The following ATE1 variants were observed in gnomAD, a reference collection of about 807,000 sequenced individuals.
ATE1 encodes the protein arginyl-tRNA--protein transferase 1.
A neutral mutation model predicts 70.5 loss-of-function variants in ATE1; 36 were observed. The observed-to-expected ratio is 0.51, with a 90% CI of 0.39 to 0.67. The LOEUF (loss-of-function observed/expected upper bound fraction) is 0.67. ATE1 is among the 30% of genes least tolerant of loss of function. The pLI, the probability that ATE1 is intolerant of heterozygous loss-of-function variation, is 0.00. For missense variants in ATE1, 593 were observed against 629.5 expected (o/e 0.94, Z 0.62); for synonymous variants, 232 against 219.3 (o/e 1.06, Z -0.51).
intron 11 of ATE1, among the ~76,000 whole-genome samples, chr10:121,768,487 A>G (rs1201995296): frequency 1.3e-5 from 2 of 152,106 alleles, no homozygotes; most frequent in Admixed American, 6.5e-5. Flanking sequence ...GGAGGGGGGA[A>G]TCACTCAGGG....
At chr10:121,797,569 A>C (rs1590327890) in intron 10 of ATE1, among the ~76,000 whole-genome samples, 1 of 134,030 alleles carries the variant, frequency 7.5e-6, no homozygotes, top group African/African-American at 2.8e-5. Flanking sequence ...CACATACCAC[A>C]CTTCCTATTT....
chr10:121,902,247 C>T, intron 6 of ATE1, 144 bp downstream of exon 6: 1 of 769,642 alleles, frequency 1.3e-6, no homozygotes, highest in South Asian at 2.2e-5. Context: ...AATGTTACTT[C>T]TTCCCAGTTC....
chr10:121,928,362 C>T (rs529265922), upstream of ATE1: 19 of 1,533,736 alleles, frequency 1.2e-5, no homozygotes, highest in African/African-American at 2.4e-4. Flanking sequence ...GACGCTTTGC[C>T]CTCCTTGGAA....
chr10:121,928,258 G>C (rs2134691096), upstream of ATE1: 1 of 1,419,554 alleles, frequency 7.0e-7, no homozygotes, highest in African/African-American at 1.5e-5. Context: ...AAGGGAAGCG[G>C]GAGTCGGGGT....
intron 7 of ATE1, among the ~76,000 whole-genome samples, chr10:121,899,642 C>T (rs1950903740): frequency 6.6e-6 from 1 of 152,124 alleles, no homozygotes; most frequent in African/African-American, 2.4e-5. Flanking sequence ...AATAATTTTA[C>T]ATGTTACTTT....
intron 3 of ATE1, among the ~76,000 whole-genome samples, chr10:121,918,170 T>C (rs1951733719): frequency 6.6e-6 from 1 of 152,028 alleles, no homozygotes; most frequent in Admixed American, 6.6e-5. Flanking sequence ...CCGTCTCTAC[T>C]AAAAATACAA....
At chr10:121,904,378 A>T (rs910555406) in intron 5 of ATE1, among the ~76,000 whole-genome samples, 29 of 151,690 alleles carry the variant, frequency 1.9e-4, no homozygotes, top group African/African-American at 7.0e-4. Context: ...GCAGTGGCTC[A>T]TGCCTGTAAT....
At position 121,789,157 on chromosome 10, in the gene ATE1, G is replaced by C. The variant is rs558001736; in HGVS notation, c.1378+1012C>G. 2.6e-5 allele frequency among the ~76,000 whole-genome samples: 4 copies of C among 152,234 alleles called. No homozygotes were observed. In the South Asian group the frequency reaches 8.3e-4, roughly 32 times the overall value. On this transcript the variant is annotated intron_variant, in intron 11 of 11. Transcript: ENST00000224652. ...CTCATTTTAATCCTCATTACAGCTAGTAGGTCCTATTATTACCTCCATTTT... is the reference window on the plus strand; with the variant it reads ...CTCATTTTAATCCTCATTACAGCTACTAGGTCCTATTATTACCTCCATTTT...
intron 8 of ATE1, among the ~76,000 whole-genome samples, chr10:121,852,439 C>T (rs1199721486): frequency 6.6e-6 from 1 of 152,050 alleles, no homozygotes; most frequent in African/African-American, 2.4e-5. Context: ...AACACTTCAC[C>T]GAAGTTTGAA....
At chr10:121,816,413 T>C (rs1177386378) in intron 10 of ATE1, among the ~76,000 whole-genome samples, 1 of 152,220 alleles carries the variant, frequency 6.6e-6, no homozygotes, top group East Asian at 1.9e-4. Context: ...GATTATGTCA[T>C]GAGGGCTCCA....
intron 5 of ATE1, among the ~76,000 whole-genome samples, chr10:121,910,575 A>C (rs750411977): frequency 2.6e-5 from 4 of 152,210 alleles, no homozygotes; most frequent in Non-Finnish European, 5.9e-5. Flanking sequence ...GTCTCACTTA[A>C]TGTTAAAATA....
chr10:121,768,197 T>C (rs1945355416), intron 11 of ATE1, among the ~76,000 whole-genome samples: 1 of 152,188 alleles, frequency 6.6e-6, no homozygotes, highest in South Asian at 2.1e-4. Flanking sequence ...GAGATGGGAA[T>C]AATGGAGATT....
rs1176686428 is a variant in ATE1, at chr10:121,740,933, TA to T, written c.*2746del. The T allele has an allele frequency of 1.3e-5, 2 of 152,118 alleles. No individual in the cohort carries two copies. Among genetic ancestry groups the T allele is most frequent in the Non-Finnish European group, 2.9e-5 (2 of 68,022 alleles). 9.4% of individuals were successfully genotyped at this position (152,118 alleles called of 1,614,324 possible). On this transcript the variant is annotated 3_prime_UTR_variant, in exon 12 of 12. Transcript: ENST00000224652. ...TACAAAAAAGTGCTCAGATTACATTTAAAAAAATAACAAAAATCTCTTAGAA... is the reference window on the plus strand; with the variant it reads ...TACAAAAAAGTGCTCAGATTACATTTAAAAAATAACAAAAATCTCTTAGAA...
chr10:121,784,513 A>G (rs1406328232), intron 11 of ATE1, among the ~76,000 whole-genome samples: 1 of 152,192 alleles, frequency 6.6e-6, no homozygotes, highest in Admixed American at 6.5e-5. Flanking sequence ...TGTTAGCACC[A>G]TACTAAATTG....
At chr10:121,863,656 C>G (rs1949558047) in intron 8 of ATE1, among the ~76,000 whole-genome samples, 1 of 152,138 alleles carries the variant, frequency 6.6e-6, no homozygotes, top group Non-Finnish European at 1.5e-5. Context: ...GTTGCCCAGG[C>G]TGAACTGCAG....
intron 4 of ATE1, among the ~76,000 whole-genome samples, chr10:121,911,828 G>C (rs7075129): frequency 0.041 from 5,388 of 130,558 alleles, no homozygotes; most frequent in Middle Eastern, 0.08. Flanking sequence ...CTCACTGCAA[G>C]CTCCGCCTCC....
intron 11 of ATE1, among the ~76,000 whole-genome samples, chr10:121,746,793 G>A (rs566387063): frequency 6.6e-5 from 10 of 151,560 alleles, no homozygotes; most frequent in Non-Finnish European, 8.8e-5. Context: ...CTCAACAGTC[G>A]TTGCTTTCTC....
intron 10 of ATE1, among the ~76,000 whole-genome samples, chr10:121,834,733 A>G (rs1284540558): frequency 6.6e-6 from 1 of 152,178 alleles, no homozygotes; most frequent in Non-Finnish European, 1.5e-5. Context: ...AAAAAAAACA[A>G]AGACCCAGGT....
At chr10:121,909,486 T>C (rs1351615080) in intron 5 of ATE1, among the ~76,000 whole-genome samples, 1 of 152,128 alleles carries the variant, frequency 6.6e-6, no homozygotes, top group African/African-American at 2.4e-5. Flanking sequence ...ATACAGGATA[T>C]CACAATGTCT....
Sources: gnomAD v4.1 joint callset for allele counts (sites outside exome capture counted in the v4.1 genomes callset) on GRCh38, gnomAD v4.1.1 for gene constraint, MANE v1.5 for transcripts, NCBI Gene and HGNC (gene_info 2026-07-23, HGNC 2026-07-21) for gene names.